The following TANC1 variants were observed in gnomAD, a reference collection of about 807,000 sequenced individuals.
TANC1 encodes the protein tetratricopeptide repeat, ankyrin repeat and coiled-coil containing 1.
In TANC1, 77 loss-of-function variants were observed where a neutral mutation model predicts 149.7. That is an observed-to-expected ratio of 0.51 (90% CI 0.43 to 0.62). TANC1 has a LOEUF of 0.62. TANC1 is among the 20% of genes least tolerant of loss of function. TANC1 has a pLI of 0.00. For synonymous variants in TANC1, 854 were observed against 925.0 expected, an observed-to-expected ratio of 0.92 and a Z score of 1.39; for missense variants, 1,985 against 2,321.8, an observed-to-expected ratio of 0.85 and a Z score of 2.98.
intron 19 of TANC1, among the ~76,000 whole-genome samples, chr2:159,205,682 T>C (rs1041249170): frequency 6.6e-6 from 1 of 152,224 alleles, no homozygotes; most frequent in Non-Finnish European, 1.5e-5. Context: ...GTCCACTATG[T>C]GGTATTAGCA....
intron 22 of TANC1, among the ~76,000 whole-genome samples, chr2:159,221,184 C>T (rs1467471217): frequency 6.6e-6 from 1 of 152,026 alleles, no homozygotes; most frequent in Admixed American, 6.5e-5. Flanking sequence ...AGTTCGAGAT[C>T]AAGTGAACTA....
intron 4 of TANC1, among the ~76,000 whole-genome samples, chr2:159,116,613 G>A (rs768455124): frequency 6.6e-6 from 1 of 152,158 alleles, no homozygotes; most frequent in Non-Finnish European, 1.5e-5. Context: ...CTCTGCCATC[G>A]TAGTACAGAG....
At chr2:159,161,243 A>C (rs2054017518) in intron 7 of TANC1, among the ~76,000 whole-genome samples, 1 of 152,208 alleles carries the variant, frequency 6.6e-6, no homozygotes. Flanking sequence ...TAGGGAGAGC[A>C]CTTTGACTTT....
chr2:159,229,768 C>T lies in TANC1; in HGVS notation c.4342C>T (p.Pro1448Ser), dbSNP rs200839136. Residue 1448 changes from proline (P) to serine (S), a missense_variant, in exon 27 of 27, where the codon CCT becomes TCT. Pro to Ser is a moderately conservative substitution (Grantham distance 74). This residue lies in a region of TANC1 where 920 missense variants were observed against 994.7 expected (regional missense o/e 0.92). Coordinates refer to ENST00000263635, the MANE Select transcript of TANC1 (RefSeq NM_033394.3). Reference sequence around the variant, plus strand: ...CGAGAACGAAGAGGACACCCCAACCCCTGGCTTAAGTGACCACTTTCACTC... The same window carrying T: ...CGAGAACGAAGAGGACACCCCAACCTCTGGCTTAAGTGACCACTTTCACTC... ...DSENEEDTPT[P>S]GLSDHFHSEE... is the part of the protein sequence containing the mutation. The T allele has an allele frequency of 1.9e-5, 31 of 1,613,972 alleles. No homozygotes were observed. Among genetic ancestry groups the T allele is most frequent in the Admixed American group, 3.3e-5 (2 of 59,992 alleles).
intron 17 of TANC1, among the ~76,000 whole-genome samples, chr2:159,194,975 A>G (rs71423011): frequency 0.23 from 35,334 of 152,042 alleles, 5,305 homozygotes; most frequent in Non-Finnish European, 0.35. Context: ...GCCCTAGGGT[A>G]TTGGGCAAGT....
intron 19 of TANC1, among the ~76,000 whole-genome samples, chr2:159,204,796 G>C (rs532411577): frequency 3.9e-5 from 6 of 152,332 alleles, no homozygotes; most frequent in African/African-American, 1.2e-4. Flanking sequence ...AAGGAGTTTA[G>C]TCAGGTAAAT....
chr2:159,161,135 C>CA (rs1382986205), intron 7 of TANC1, among the ~76,000 whole-genome samples: 1 of 152,158 alleles, frequency 6.6e-6, no homozygotes, highest in African/African-American at 2.4e-5. Flanking sequence ...GCAGTGCTGT[C>CA]ACTTGTAACA....
intron 3 of TANC1, among the ~76,000 whole-genome samples, chr2:159,071,074 A>G (rs938219925): frequency 6.6e-6 from 1 of 152,114 alleles, no homozygotes; most frequent in African/African-American, 2.4e-5. Context: ...CTCTCTAGAG[A>G]AGGCTGGTCC....
intron 7 of TANC1, among the ~76,000 whole-genome samples, chr2:159,153,124 GC>G (rs2053037896): frequency 1.3e-5 from 2 of 152,306 alleles, no homozygotes; most frequent in South Asian, 4.1e-4. Flanking sequence ...CTAGCATGGT[GC>G]TGGAAATGAG....
At chr2:159,220,560 C>T (rs1369586145) in intron 22 of TANC1, among the ~76,000 whole-genome samples, 1 of 150,236 alleles carries the variant, frequency 6.7e-6, no homozygotes, top group African/African-American at 2.5e-5. Flanking sequence ...CCTCAGCCTC[C>T]CAAAGTGCTG....
At chr2:159,080,216 C>A (rs1433818693) in intron 3 of TANC1, among the ~76,000 whole-genome samples, 3 of 152,234 alleles carry the variant, frequency 2.0e-5, no homozygotes, top group Admixed American at 2.0e-4. Flanking sequence ...TACCCCACCT[C>A]TTGTATTTTG....
At chr2:159,097,392 G>A (rs905553578) in intron 3 of TANC1, among the ~76,000 whole-genome samples, 5 of 152,116 alleles carry the variant, frequency 3.3e-5, no homozygotes, top group Non-Finnish European at 7.4e-5. Context: ...CCTTTGTTAG[G>A]GATTGAAACC....
intron 4 of TANC1, among the ~76,000 whole-genome samples, chr2:159,111,598 C>T (rs1415723252): frequency 6.6e-6 from 1 of 152,222 alleles, no homozygotes; most frequent in Non-Finnish European, 1.5e-5. Flanking sequence ...ACCAGAAACA[C>T]ATACCTGGTA....
chr2:158,981,491 T>TTATTTATATA (rs1553509688), intron 1 of TANC1, among the ~76,000 whole-genome samples: 1 of 34,352 alleles, frequency 2.9e-5, no homozygotes, highest in Non-Finnish European at 6.3e-5. Flanking sequence ...TATATAGCTT[T>TTATTTATATA]TATATATATA....
intron 10 of TANC1, among the ~76,000 whole-genome samples, chr2:159,171,796 G>A (rs962385321): frequency 6.7e-6 from 1 of 148,652 alleles, no homozygotes; most frequent in African/African-American, 2.5e-5. Flanking sequence ...GGTCGAGGTT[G>A]CAGTGAGCCG....
intron 2 of TANC1, among the ~76,000 whole-genome samples, chr2:159,025,488 C>T (rs977858215): frequency 1.3e-5 from 2 of 152,028 alleles, no homozygotes; most frequent in African/African-American, 4.8e-5. Context: ...ATGTAATTCC[C>T]TTTGTAAATA....
chr2:159,116,662 G>A (rs2048301224), intron 4 of TANC1, among the ~76,000 whole-genome samples: 1 of 152,144 alleles, frequency 6.6e-6, no homozygotes, highest in South Asian at 2.1e-4. Context: ...TCATGGCTGT[G>A]TTCCAGTGAT....
chr2:159,177,855 A>T (rs2056044723), intron 13 of TANC1, among the ~76,000 whole-genome samples: 1 of 152,272 alleles, frequency 6.6e-6, no homozygotes, highest in South Asian at 2.1e-4. Context: ...GGAGCTGAGG[A>T]TGTTTTGTTT....
chr2:159,108,515 G>A (rs2047407290), intron 4 of TANC1, among the ~76,000 whole-genome samples: 1 of 152,186 alleles, frequency 6.6e-6, no homozygotes, highest in African/African-American at 2.4e-5. Context: ...CAGGGGCCTT[G>A]GTGGTGGAGA....
Sources: allele counts gnomAD v4.1 joint callset (sites outside exome capture counted in the v4.1 genomes callset), GRCh38; gene constraint gnomAD v4.1.1; regional missense constraint gnomAD v4.1.1; transcripts MANE v1.5; gene names NCBI Gene and HGNC (gene_info 2026-07-23, HGNC 2026-07-21).